KIAA1549L: variants seen among roughly 807,000 people sequenced by gnomAD.
The protein encoded by KIAA1549L is KIAA1549 like, also known as UPF0606 protein KIAA1549L.
In KIAA1549L, 88 loss-of-function variants were observed where a neutral mutation model predicts 160.7. That is an observed-to-expected ratio of 0.55 (90% CI 0.46 to 0.65). KIAA1549L has a LOEUF of 0.65. Ranked by LOEUF, KIAA1549L falls within the 30% of genes least tolerant of loss-of-function variation. The pLI is 0.00. For missense variants in KIAA1549L, 2,258 were observed against 2,437.5 expected (o/e 0.93, Z 1.55); for synonymous variants, 950 against 976.7 (o/e 0.97, Z 0.51).
chr11:33,555,983 C>A (rs1854633890), intron 6 of KIAA1549L, among the ~76,000 whole-genome samples: 4 of 151,776 alleles, frequency 2.6e-5, no homozygotes, highest in Admixed American at 2.0e-4. Context: ...CAAAAAAATC[C>A]AATTAAGAAA....
chr11:33,411,963 T>A (rs984191490), intron 1 of KIAA1549L, among the ~76,000 whole-genome samples: 1 of 152,228 alleles, frequency 6.6e-6, no homozygotes. Flanking sequence ...TTCTAGCCGC[T>A]CACAGGATGT....
At chr11:33,612,849 A>G (rs60804304) in intron 15 of KIAA1549L, among the ~76,000 whole-genome samples, 2,176 of 152,266 alleles carry the variant, frequency 0.014, 53 homozygotes, top group African/African-American at 0.049. Flanking sequence ...GTGAGAACAT[A>G]TGGTATTTGG....
At position 33,671,133 on chromosome 11, in the gene KIAA1549L, A is replaced by G. The variant is rs1172748670; in HGVS notation, c.*2979A>G. ...TAAATAGTTTTCAGTGCTGGTTTTG[A>G]TATGAGTTTTCTGCATTCATGAAAA... On this transcript the variant is annotated 3_prime_UTR_variant, in exon 21 of 21. Coordinates refer to ENST00000658780, the MANE Select transcript of KIAA1549L (RefSeq NM_012194.3). 6.6e-6 allele frequency: 1 copy of G among 152,240 alleles called. No homozygotes were observed. The highest frequency in any genetic ancestry group is 1.5e-5 in the Non-Finnish European group (1 of 68,058). The allele number at this position is 152,240 out of a possible 1,614,324, so 9.4% of individuals were successfully genotyped here.
chr11:33,382,891 C>T (rs750093065), intron 1 of KIAA1549L, among the ~76,000 whole-genome samples: 8 of 151,952 alleles, frequency 5.3e-5, no homozygotes, highest in Admixed American at 5.2e-4. Flanking sequence ...GATACTGCAG[C>T]ATTTGGGGGT....
In KIAA1549L at chr11:33,618,673, G is replaced by T; in HGVS notation, c.5409+11G>T. On this transcript the variant is annotated intron_variant, in intron 16 of 20. Transcript: ENST00000658780. ...AACAGCGGATACGATGTGAGTCTCT[G>T]GTGGGCTGGGTAAATACAAGCTTTC... is the stretch of plus-strand genomic sequence containing the variant. The T allele has an allele frequency of 6.4e-7, 1 of 1,560,524 alleles. No individual in the cohort carries two copies.
intron 10 of KIAA1549L, among the ~76,000 whole-genome samples, chr11:33,575,652 T>C (rs929800964): frequency 2.0e-5 from 3 of 152,216 alleles, no homozygotes; most frequent in African/African-American, 4.8e-5. Flanking sequence ...ACCTGTGTTC[T>C]TAACTATATG....
chr11:33,431,473 C>A (rs1851241651), intron 1 of KIAA1549L, among the ~76,000 whole-genome samples: 2 of 152,166 alleles, frequency 1.3e-5, no homozygotes, highest in African/African-American at 4.8e-5. Flanking sequence ...CGTATCGACA[C>A]AAAGGTTCTC....
intron 1 of KIAA1549L, among the ~76,000 whole-genome samples, chr11:33,494,553 C>A (rs906052054): frequency 1.3e-5 from 2 of 152,188 alleles, no homozygotes; most frequent in Admixed American, 6.5e-5. Context: ...CTTTGCAGAT[C>A]CTCTTCAAAG....
At chr11:33,665,742 C>T (rs761885214) in intron 20 of KIAA1549L, among the ~76,000 whole-genome samples, 15 of 152,126 alleles carry the variant, frequency 9.9e-5, no homozygotes, top group East Asian at 3.9e-4. Flanking sequence ...TCTGTCTGTC[C>T]GCCCCACCCC....
At chr11:33,402,154 G>A (rs941204101) in intron 1 of KIAA1549L, among the ~76,000 whole-genome samples, 1 of 152,164 alleles carries the variant, frequency 6.6e-6, no homozygotes, top group African/African-American at 2.4e-5. Context: ...TCAGCTAGGT[G>A]GTCTCTAGTC....
chr11:33,414,482 G>A (rs1437066494), intron 1 of KIAA1549L, among the ~76,000 whole-genome samples: 2 of 152,150 alleles, frequency 1.3e-5, no homozygotes, highest in Non-Finnish European at 2.9e-5. Flanking sequence ...ATAAATCATT[G>A]GTTACATCTT....
At chr11:33,531,548 T>A (rs2133151006) in intron 1 of KIAA1549L, among the ~76,000 whole-genome samples, 2 of 152,286 alleles carry the variant, frequency 1.3e-5, no homozygotes, top group African/African-American at 4.8e-5. Context: ...CCACAAAAGA[T>A]TACCAACAAA....
chr11:33,549,198 AG>A (rs1854371113), intron 4 of KIAA1549L, among the ~76,000 whole-genome samples: 1 of 152,134 alleles, frequency 6.6e-6, no homozygotes, highest in African/African-American at 2.4e-5. Context: ...TTTTTTTGAA[AG>A]GGCATTTGAT....
At chr11:33,413,227 T>C (rs1850818281) in intron 1 of KIAA1549L, among the ~76,000 whole-genome samples, 1 of 151,928 alleles carries the variant, frequency 6.6e-6, no homozygotes, top group Admixed American at 6.6e-5. Flanking sequence ...TTGTTTACCC[T>C]AGAACTTCCC....
In KIAA1549L at chr11:33,660,931, C is replaced by G. The variant is rs1852239248; in HGVS notation, c.6076C>G (p.Pro2026Ala). The G allele has an allele frequency of 6.2e-7, 1 of 1,613,560 alleles. No individual in the cohort carries two copies. The highest frequency in any genetic ancestry group is 1.7e-5 in the Admixed American group (1 of 59,966). ...ACCTGGCTTCACCGGCTACTTCATCCCAACGCCTCCCTCATCCTATAGGAA... is the reference window on the plus strand; with the variant it reads ...ACCTGGCTTCACCGGCTACTTCATCGCAACGCCTCCCTCATCCTATAGGAA... Reference protein sequence around the residue: ...NRPGFTGYFIPTPPSSYRNQA... With the variant: ...NRPGFTGYFIATPPSSYRNQA... Residue 2026 changes from proline (P) to alanine (A), a missense_variant, in exon 20 of 21, where the codon CCA (proline) becomes GCA (alanine). Around this residue, in one of 6 missense-constraint regions of KIAA1549L, gnomAD observed 1,359 missense variants for 1,546.6 expected, o/e 0.88. Transcript: ENST00000658780.
chr11:33,459,756 T>A (rs191403707), intron 1 of KIAA1549L, among the ~76,000 whole-genome samples: 2,172 of 151,088 alleles, frequency 0.014, 24 homozygotes, highest in Non-Finnish European at 0.021. Context: ...GGTCAGGAGA[T>A]CGAGACCATC....
chr11:33,501,026 A>G (rs1374169356), intron 1 of KIAA1549L, among the ~76,000 whole-genome samples: 3 of 152,132 alleles, frequency 2.0e-5, no homozygotes, highest in Non-Finnish European at 4.4e-5. Context: ...ATACTCCTCC[A>G]ATCCACTTAT....
chr11:33,544,408 G>A, intron 2 of KIAA1549L, 72 bp downstream of exon 2: 3 of 1,473,958 alleles, frequency 2.0e-6, no homozygotes, highest in Non-Finnish European at 2.8e-6. Context: ...TGTGGTCAAA[G>A]CATCTTCAAG....
At chr11:33,554,768 T>C (rs1165578997) in intron 6 of KIAA1549L, among the ~76,000 whole-genome samples, 7 of 152,134 alleles carry the variant, frequency 4.6e-5, no homozygotes, top group Non-Finnish European at 7.4e-5. Context: ...CCAGAACACA[T>C]GAGCAAAGAG....
Sources: allele counts gnomAD v4.1 joint callset (sites outside exome capture counted in the v4.1 genomes callset), GRCh38; gene constraint gnomAD v4.1.1; regional missense constraint gnomAD v4.1.1; transcripts MANE v1.5; gene names NCBI Gene and HGNC (gene_info 2026-07-23, HGNC 2026-07-21).